Variants in CD53 observed in about 807,000 individuals in gnomAD.
CD53 encodes the protein CD53 molecule.
In CD53, 20 loss-of-function variants were observed where a neutral mutation model predicts 27.3. The ratio of observed to expected loss-of-function variants is 0.73; its 90% confidence interval spans 0.52 to 1.07. CD53 has a LOEUF of 1.07. Ranked by LOEUF, CD53 falls within the 50% of genes least tolerant of loss-of-function variation. CD53 has a pLI of 0.00. For missense variants in CD53, 216 were observed against 264.0 expected (o/e 0.82, Z 1.26); for synonymous variants, 106 against 105.3 (o/e 1.01, Z -0.04).
At chr1:110,887,547 T>C (rs1249307822) in intron 1 of CD53, among the ~76,000 whole-genome samples, 8 of 152,206 alleles carry the variant, frequency 5.3e-5, no homozygotes, top group Non-Finnish European at 8.8e-5. Context: ...CTATAAATCT[T>C]ATTGAGCTTT....
chr1:110,891,397 G>A lies in CD53; in HGVS notation c.-12G>A. 6.2e-7 allele frequency: 1 copy of A among 1,610,766 alleles called. No individual in the cohort carries two copies. The highest frequency in any genetic ancestry group is 8.5e-7 in the Non-Finnish European group (1 of 1,176,930). ...TCTTCTTCCTTATTCCTTAGGGCAA[G>A]AATATCACGGCATGGGCATGAGTAG... On this transcript the variant is annotated 5_prime_UTR_variant, in exon 2 of 8. Transcript: ENST00000271324.
At chr1:110,879,522 C>A (rs1260723706) in intron 1 of CD53, among the ~76,000 whole-genome samples, 1 of 95,458 alleles carries the variant, frequency 1.0e-5, no homozygotes, top group Non-Finnish European at 2.6e-5. Flanking sequence ...CTTAGAGACT[C>A]ACAGTGCACA....
intron 5 of CD53, among the ~76,000 whole-genome samples, chr1:110,895,932 T>G (rs190709603): frequency 7.5e-4 from 115 of 152,328 alleles, no homozygotes; most frequent in African/African-American, 2.6e-3. Context: ...ACACCTAAAA[T>G]TTTATAATTT....
At chr1:110,895,182 T>G in intron 5 of CD53, 127 bp downstream of exon 5, 2 of 690,034 alleles carry the variant, frequency 2.9e-6, no homozygotes, top group South Asian at 3.3e-5. Context: ...CCCAGAATAA[T>G]GCCTTGGCTA....
chr1:110,872,639 A>G (rs193167952), upstream of CD53, among the ~76,000 whole-genome samples: 1 of 152,336 alleles, frequency 6.6e-6, no homozygotes, highest in African/African-American at 2.4e-5. Flanking sequence ...AATGGTGTCC[A>G]ATTCAAGTCT....
chr1:110,880,477 T>C (rs1656314083), intron 1 of CD53: 1 of 152,070 alleles, frequency 6.6e-6, no homozygotes, highest in Non-Finnish European at 1.5e-5. Flanking sequence ...AGCCAGCTGG[T>C]GTTCTGTGGA....
intron 1 of CD53, among the ~76,000 whole-genome samples, chr1:110,874,845 C>A (rs1656064386): frequency 6.6e-6 from 1 of 152,182 alleles, no homozygotes; most frequent in East Asian, 1.9e-4. Context: ...CTCTGATTGA[C>A]CTCTGACTGC....
chr1:110,886,786 C>T (rs796502984), intron 1 of CD53, among the ~76,000 whole-genome samples: 1 of 149,324 alleles, frequency 6.7e-6, no homozygotes, highest in African/African-American at 2.5e-5. Flanking sequence ...TGGAGGCTGC[C>T]GTGAGCCAAG....
chr1:110,872,008 C>G (rs1557811274), upstream of CD53, among the ~76,000 whole-genome samples: 1 of 152,200 alleles, frequency 6.6e-6, no homozygotes, highest in Admixed American at 6.5e-5. Flanking sequence ...TACTCTGGAT[C>G]TGAATGTCTC....
chr1:110,886,182 T>G (rs1656593851), intron 1 of CD53, among the ~76,000 whole-genome samples: 1 of 152,170 alleles, frequency 6.6e-6, no homozygotes, highest in Non-Finnish European at 1.5e-5. Flanking sequence ...TTGCTCCACT[T>G]TCTTCCAGCT....
chr1:110,890,964 G>A (rs552441292), intron 1 of CD53, among the ~76,000 whole-genome samples: 1 of 152,352 alleles, frequency 6.6e-6, no homozygotes, highest in South Asian at 2.1e-4. Flanking sequence ...AAATCACAGA[G>A]TATTTAAGAA....
In CD53 at chr1:110,895,455, A is replaced by G. The variant is rs150478695; in HGVS notation, c.423+400A>G. On this transcript the variant is annotated intron_variant, in intron 5 of 7. Transcript: ENST00000271324. ...CTAGCCCACCAACATCCCATTCCTC[A>G]TGTGCTGTTTCCACCCACAAACGTG... Among the ~76,000 whole-genome samples, 443 of 152,272 alleles carry G rather than the reference A, an allele frequency of 2.9e-3. 1 individual carries two copies. Among genetic ancestry groups the G allele is most frequent in the African/African-American group, 0.01 (428 of 41,546 alleles).
At chr1:110,897,600 T>C in intron 6 of CD53, 2 of 456,236 alleles carry the variant, frequency 4.4e-6, no homozygotes, top group Non-Finnish European at 8.0e-6. Context: ...TAGTTACCAC[T>C]GTAATGATAA....
intron 3 of CD53, among the ~76,000 whole-genome samples, chr1:110,893,182 G>C (rs187026872): frequency 1.8e-4 from 27 of 152,354 alleles, no homozygotes; most frequent in East Asian, 1.2e-3. Flanking sequence ...AGTGTTCCCA[G>C]AACAGAGCTT....
intron 5 of CD53, among the ~76,000 whole-genome samples, chr1:110,895,839 ACT>A: frequency 6.6e-6 from 1 of 152,310 alleles, no homozygotes; most frequent in African/African-American, 2.4e-5. Flanking sequence ...AATTCCCCAC[ACT>A]TTTTTCGTTA....
chr1:110,896,793 G>A lies in CD53; in HGVS notation c.504+60G>A, dbSNP rs371707241. ...CTTTGTTTAAATGTTTAATTACCTC[G>A]GAAACTGCAGTCATAGAGGACCTAG... On this transcript the variant is annotated intron_variant, in intron 6 of 7. Coordinates refer to ENST00000271324, the MANE Select transcript of CD53 (RefSeq NM_000560.4). 2.8e-5 allele frequency: 40 copies of A among 1,423,082 alleles called. 1 individual carries two copies. The highest frequency in any genetic ancestry group is 2.6e-4 in the South Asian group (22 of 84,974). The allele number at this position is 1,423,082 out of a possible 1,614,324, so 88.2% of individuals were successfully genotyped here.
At position 110,895,013 on chromosome 1, in the gene CD53, A is replaced by G. The variant is rs573327935; in HGVS notation, c.381A>G (p.Ser127=). The change falls in exon 5 of 8, where the codon TCA becomes TCG. Residue 127 remains serine, a synonymous_variant. Coordinates refer to ENST00000271324, the MANE Select transcript of CD53 (RefSeq NM_000560.4). ...CCGACAGCATCCACCGTTACCACTCAGACAATAGCACCAAGGCAGCGTGGG... is the reference window on the plus strand; with the variant it reads ...CCGACAGCATCCACCGTTACCACTCGGACAATAGCACCAAGGCAGCGTGGG... ...GLTDSIHRYH[S]DNSTKAAWDS... is the part of the protein sequence containing the mutation. 1 of 1,614,100 alleles carries G rather than the reference A, an allele frequency of 6.2e-7. No individual in the cohort carries two copies. The highest frequency in any genetic ancestry group is 1.1e-5 in the South Asian group (1 of 91,084).
chr1:110,896,560 A>G, intron 5 of CD53, 93 bp from the exon 6 acceptor site: 2 of 1,152,558 alleles, frequency 1.7e-6, no homozygotes, highest in Non-Finnish European at 2.6e-6. Flanking sequence ...CTATAGAGTC[A>G]GATCTGAAGG....
intron 5 of CD53, among the ~76,000 whole-genome samples, chr1:110,896,247 T>G (rs1222998815): frequency 1.3e-5 from 2 of 152,316 alleles, no homozygotes; most frequent in African/African-American, 4.8e-5. Flanking sequence ...TTTGATGTGG[T>G]TTTTGTTTTG....
Sources: gnomAD v4.1 joint callset for allele counts (sites outside exome capture counted in the v4.1 genomes callset) on GRCh38, gnomAD v4.1.1 for gene constraint, MANE v1.5 for transcripts, NCBI Gene and HGNC (gene_info 2026-07-23, HGNC 2026-07-21) for gene names.